Variants in SYN3 observed in about 807,000 individuals in gnomAD.
The protein encoded by SYN3 is synapsin III, also known as synapsin-3.
In SYN3, 35 loss-of-function variants were observed where a neutral mutation model predicts 65.8. The ratio of observed to expected loss-of-function variants is 0.53; its 90% confidence interval spans 0.41 to 0.70. The LOEUF is 0.70. Ranked by LOEUF, SYN3 falls within the 30% of genes least tolerant of loss-of-function variation. SYN3 has a pLI of 0.00. For synonymous variants in SYN3, 270 were observed against 292.9 expected (o/e 0.92, Z 0.80); for missense variants, 680 against 749.0 (o/e 0.91, Z 1.08).
intron 6 of SYN3, among the ~76,000 whole-genome samples, chr22:32,773,515 C>A (rs2045829676): frequency 6.6e-6 from 1 of 151,784 alleles, no homozygotes; most frequent in South Asian, 2.1e-4. Flanking sequence ...GCCAGATCCT[C>A]CTCTTTCTCA....
chr22:33,030,160 C>T (rs2053723484), intron 1 of SYN3, among the ~76,000 whole-genome samples: 1 of 152,162 alleles, frequency 6.6e-6, no homozygotes, highest in Admixed American at 6.5e-5. Context: ...CAGCAGCAGG[C>T]AGGGCCAGGC....
intron 6 of SYN3, among the ~76,000 whole-genome samples, chr22:32,635,635 A>AC (rs1279907568): frequency 6.6e-6 from 1 of 152,136 alleles, no homozygotes; most frequent in Non-Finnish European, 1.5e-5. Flanking sequence ...CTGGCTTAGT[A>AC]CTCGTTGTAG....
chr22:32,555,975 T>C (rs1453159628), intron 7 of SYN3, among the ~76,000 whole-genome samples: 1 of 152,146 alleles, frequency 6.6e-6, no homozygotes, highest in Admixed American at 6.5e-5. Context: ...CAGGTCATGC[T>C]CACAGAGTTT....
At chr22:32,529,751 G>A (rs1029070603) in intron 10 of SYN3, among the ~76,000 whole-genome samples, 1 of 152,144 alleles carries the variant, frequency 6.6e-6, no homozygotes, top group Non-Finnish European at 1.5e-5. Flanking sequence ...AGGCCTTGGC[G>A]CATCTGCGGA....
chr22:33,016,690 C>CT (rs1337041426), intron 1 of SYN3, among the ~76,000 whole-genome samples: 5 of 152,226 alleles, frequency 3.3e-5, no homozygotes, highest in African/African-American at 1.2e-4. Context: ...CTGTTAGCCA[C>CT]TTGTATGTCT....
intron 10 of SYN3, among the ~76,000 whole-genome samples, chr22:32,533,098 C>T (rs571618215): frequency 2.0e-4 from 30 of 151,778 alleles, no homozygotes; most frequent in South Asian, 1.0e-3. Context: ...AGAGAGGAAG[C>T]GGCGGGGATG....
chr22:32,757,040 G>A (rs2045310033), intron 6 of SYN3, among the ~76,000 whole-genome samples: 1 of 125,830 alleles, frequency 7.9e-6, no homozygotes, highest in South Asian at 2.6e-4. Flanking sequence ...AATTGACACA[G>A]TGGTTGCACT....
chr22:32,776,474 C>T (rs1455542787), intron 6 of SYN3, among the ~76,000 whole-genome samples: 3 of 152,202 alleles, frequency 2.0e-5, no homozygotes, highest in Admixed American at 2.0e-4. Context: ...ATACTGTCAA[C>T]ATCCCATTTT....
At chr22:32,665,553 T>C (rs1422030445) in intron 6 of SYN3, among the ~76,000 whole-genome samples, 1 of 152,048 alleles carries the variant, frequency 6.6e-6, no homozygotes, top group East Asian at 1.9e-4. Flanking sequence ...ATTTCATTGA[T>C]TAATAGGCAT....
intron 1 of SYN3, among the ~76,000 whole-genome samples, chr22:33,049,747 G>A (rs568669131): frequency 2.6e-5 from 4 of 152,160 alleles, no homozygotes; most frequent in Non-Finnish European, 4.4e-5. Flanking sequence ...CCAGCCGCAC[G>A]CAGGAGGAAA....
At chr22:32,787,273 C>G (rs1008618723) in intron 6 of SYN3, among the ~76,000 whole-genome samples, 2 of 152,114 alleles carry the variant, frequency 1.3e-5, no homozygotes, top group East Asian at 3.9e-4. Context: ...GTCTCAAATT[C>G]CTGACCTCAA....
chr22:32,529,201 T>C (rs1200263148), intron 10 of SYN3, 193 bp from the exon 11 acceptor site: 1 of 593,196 alleles, frequency 1.7e-6, no homozygotes, highest in Non-Finnish European at 2.9e-6. Flanking sequence ...TCTAAACCAC[T>C]CCCTGGAGGT....
At chr22:32,516,418 C>T (rs2057777471) in intron 13 of SYN3, among the ~76,000 whole-genome samples, 1 of 151,966 alleles carries the variant, frequency 6.6e-6, no homozygotes, top group South Asian at 2.1e-4. Flanking sequence ...GGCTGGAGTG[C>T]AATGGCGCCA....
intron 3 of SYN3, among the ~76,000 whole-genome samples, chr22:32,945,213 A>G (rs1339282190): frequency 6.6e-6 from 1 of 152,236 alleles, no homozygotes; most frequent in Non-Finnish European, 1.5e-5. Flanking sequence ...TATGGAACCA[A>G]AAAAGAGCCC....
chr22:32,755,887 A>C (rs921891019), intron 6 of SYN3, among the ~76,000 whole-genome samples: 2 of 152,166 alleles, frequency 1.3e-5, no homozygotes, highest in African/African-American at 4.8e-5. Flanking sequence ...AATACTATAC[A>C]GCCATAAAAA....
At chr22:32,799,821 G>C (rs1436892608) in intron 6 of SYN3, among the ~76,000 whole-genome samples, 3 of 152,164 alleles carry the variant, frequency 2.0e-5, no homozygotes, top group Admixed American at 2.0e-4. Context: ...TTGGTTCTGA[G>C]AGGGCTAAAA....
rs5754338 is a variant in SYN3, at chr22:32,915,561, G to C, written c.461+15829C>G. ...CAAGGCCGAAATGTAGTGAAGGGGA[G>C]AGCCATGTTAATATCTAGGGGAAAA... On this transcript the variant is annotated intron_variant, in intron 4 of 13. Coordinates refer to ENST00000358763, the MANE Select transcript of SYN3 (RefSeq NM_003490.4). 1.4e-3 allele frequency among the ~76,000 whole-genome samples: 212 copies of C among 152,300 alleles called. 6 individuals carry two copies. The East Asian group carries it at 0.036, about 26-fold the overall frequency.
At chr22:32,887,426 CA>C (rs1335166900) in intron 4 of SYN3, among the ~76,000 whole-genome samples, 2 of 151,936 alleles carry the variant, frequency 1.3e-5, no homozygotes, top group East Asian at 3.9e-4. Context: ...TGATAACCAG[CA>C]AGAAGCCAAG....
intron 7 of SYN3, among the ~76,000 whole-genome samples, chr22:32,547,587 G>C (rs1000672324): frequency 6.6e-6 from 1 of 151,814 alleles, no homozygotes. Flanking sequence ...GTGTGCTTGT[G>C]TGCACACATG....
Sources: allele counts gnomAD v4.1 joint callset (sites outside exome capture counted in the v4.1 genomes callset), GRCh38; gene constraint gnomAD v4.1.1; transcripts MANE v1.5; gene names NCBI Gene and HGNC (gene_info 2026-07-23, HGNC 2026-07-21).